MTERF4: variants seen among roughly 807,000 people sequenced by gnomAD.
MTERF4 encodes the protein mitochondrial transcription termination factor 4, also known as transcription termination factor 4, mitochondrial.
In MTERF4, 17 loss-of-function variants were observed where a neutral mutation model predicts 22.5. That is an observed-to-expected ratio of 0.75 (90% CI 0.52 to 1.13). MTERF4 has a LOEUF of 1.13. MTERF4 is among the 50% of genes most tolerant of loss of function. The pLI, the probability that MTERF4 is intolerant of heterozygous loss-of-function variation, is 0.00. For synonymous variants in MTERF4, 165 were observed against 175.3 expected (o/e 0.94, Z 0.47); for missense variants, 420 against 466.8 (o/e 0.90, Z 0.92).
chr2:241,048,027 T>G, the MTERF4 span, among the ~76,000 whole-genome samples: 3 of 152,028 alleles, frequency 2.0e-5, no homozygotes, highest in Admixed American at 6.5e-5. Context: ...CTCCGGTGCT[T>G]CTTGTTCTGT....
At chr2:241,048,252 G>A in the MTERF4 span, 2 of 1,504,242 alleles carry the variant, frequency 1.3e-6, no homozygotes, top group Admixed American at 2.3e-5. Flanking sequence ...TTGGAGCTGG[G>A]CGGGGAGACC....
At chr2:241,092,973 C>T (rs1017850473), downstream of MTERF4, 37 of 152,272 alleles carry the variant, frequency 2.4e-4, no homozygotes, top group African/African-American at 8.7e-4. The surrounding 1 kb of genome is among the most constrained non-coding windows in gnomAD (Gnocchi z 4.6). Context: ...ATTCCAGCCA[C>T]AAAGAGGGCC....
downstream of MTERF4, among the ~76,000 whole-genome samples, chr2:241,070,754 G>A (rs182484619): frequency 1.6e-4 from 24 of 152,318 alleles, no homozygotes; most frequent in Admixed American, 8.5e-4. Context: ...GGTCCCGAAC[G>A]CCCCACTTAG....
downstream of MTERF4, chr2:241,071,769 G>A: frequency 6.4e-7 from 1 of 1,570,744 alleles, no homozygotes; most frequent in Non-Finnish European, 8.6e-7. Context: ...CGCTCGGACT[G>A]TGGTGACCCT....
In MTERF4 at chr2:241,097,403, C is replaced by A; in HGVS notation, c.545G>T (p.Cys182Phe). Residue 182 changes from cysteine (C) to phenylalanine (F), a missense_variant, in exon 3 of 4, where the codon TGT (cysteine) becomes TTT (phenylalanine). Coordinates refer to ENST00000391980, the MANE Select transcript of MTERF4 (RefSeq NM_182501.4). Reference sequence around the variant, plus strand: ...GCGCATGGTGAAAATTTCAGGGCAACAGTAAAGCACCCTCTTTAATTTCCC... The same window carrying A: ...GCGCATGGTGAAAATTTCAGGGCAAAAGTAAAGCACCCTCTTTAATTTCCC... ...GEGKLKRVLY[C>F]CPEIFTMRQQ... The A allele has an allele frequency of 1.9e-6, 3 of 1,613,998 alleles. No homozygotes were observed. The highest frequency in any genetic ancestry group is 2.5e-6 in the Non-Finnish European group (3 of 1,179,930).
Position 241,075,740 on chromosome 2 carries a change from A to C in MTERF4, n.480-58T>G, listed in dbSNP as rs1383189410. On this transcript the variant is annotated intron_variant and non_coding_transcript_variant, in intron 4 of 4. Transcript: ENST00000464344. This position sits in a 1 kb window ranked among gnomAD's most constrained non-coding sequence, Gnocchi z 4.8. ...AAGCATTAGTGGTTAACAAGTTGGG[A>C]GCCTTCTTTAAAAAATATCCTTCCC... The C allele has an allele frequency of 6.6e-6, 1 of 151,978 alleles. No individual in the cohort carries two copies. The highest frequency in any genetic ancestry group is 1.5e-5 in the Non-Finnish European group (1 of 68,012). The allele number at this position is 151,978 out of a possible 1,614,324, so 9.4% of individuals were successfully genotyped here.
At chr2:241,072,437 T>C (rs2062778403) in exon 5 of MTERF4, 2 of 358,150 alleles carry the variant, frequency 5.6e-6, no homozygotes, top group Non-Finnish European at 1.1e-5. Flanking sequence ...TTGGCAGGAG[T>C]GAGGCAGGCG....
At chr2:241,102,046 T>A (rs2064734151) in intron 1 of MTERF4, 1 of 510,022 alleles carries the variant, frequency 2.0e-6, no homozygotes, top group Admixed American at 5.0e-5. Context: ...AGCGAGACTT[T>A]GTCTCAAAAA....
intron 4 of MTERF4, among the ~76,000 whole-genome samples, chr2:241,077,122 G>A (rs1397659184): frequency 1.3e-5 from 2 of 151,636 alleles, no homozygotes; most frequent in Non-Finnish European, 2.9e-5. Flanking sequence ...TAAACCACAC[G>A]TCAATGGCCA....
downstream of MTERF4, chr2:241,088,580 G>T (rs2063705148): frequency 8.2e-6 from 5 of 607,202 alleles, no homozygotes; most frequent in South Asian, 9.9e-5. Flanking sequence ...GTCCCCAAGG[G>T]GAAACAGACA....
chr2:241,088,480 A>C, downstream of MTERF4: 68 of 1,170,212 alleles, frequency 5.8e-5, no homozygotes, highest in Non-Finnish European at 8.0e-5. Context: ...CCGGGATCTC[A>C]GAGTGCCGCT....
At chr2:241,102,035 G>A (rs545906034) in intron 1 of MTERF4, 6 of 596,130 alleles carry the variant, frequency 1.0e-5, no homozygotes, top group South Asian at 2.1e-5. Context: ...CCTGGAGACA[G>A]AGCGAGACTT....
intron 4 of MTERF4, among the ~76,000 whole-genome samples, chr2:241,078,614 T>C (rs984193835): frequency 1.3e-5 from 2 of 151,658 alleles, no homozygotes; most frequent in African/African-American, 2.4e-5. Context: ...GAAAGTACAT[T>C]AGCGGTTGCT....
At chr2:241,080,515 T>C (rs1160087386) in intron 4 of MTERF4, among the ~76,000 whole-genome samples, 2 of 152,076 alleles carry the variant, frequency 1.3e-5, no homozygotes, top group Non-Finnish European at 2.9e-5. Context: ...AAATGGGTGA[T>C]TCCAAGACTG....
In MTERF4 at chr2:241,096,150, A is replaced by T. The variant is rs1345949575; in HGVS notation, c.994T>A (p.Ser332Thr). The change falls in exon 4 of 4, where the codon TCT becomes ACT. Residue 332 changes from serine (S) to threonine (T), a missense_variant. Ser to Thr is a moderately conservative substitution (Grantham distance 58). Transcript: ENST00000391980. The surrounding 1 kb of genome is among the most constrained non-coding windows in gnomAD (Gnocchi z 5.1). ...REEEESESST[S>T]DDKRASLDED... ...TCCAGACTTGCCCTTTTGTCATCAG[A>T]TGTGCTGCTCTCAGACTCCTCCTCC... 6.2e-7 allele frequency: 1 copy of T among 1,613,896 alleles called. No homozygotes were observed. The highest frequency in any genetic ancestry group is 1.1e-5 in the South Asian group (1 of 91,058).
chr2:241,052,208 G>C, the MTERF4 span: 2 of 1,544,668 alleles, frequency 1.3e-6, no homozygotes, highest in South Asian at 2.2e-5. Context: ...AACCCTCTCT[G>C]CAGATGTGAA....
intron 4 of MTERF4, among the ~76,000 whole-genome samples, chr2:241,079,739 A>G (rs982730222): frequency 7.2e-5 from 11 of 152,164 alleles, no homozygotes; most frequent in Admixed American, 6.5e-4. Context: ...ATAACCACAC[A>G]GGAAAAAAAT....
chr2:241,098,966 A>G (rs1279216409), intron 2 of MTERF4, among the ~76,000 whole-genome samples: 1 of 152,084 alleles, frequency 6.6e-6, no homozygotes, highest in East Asian at 1.9e-4. Flanking sequence ...CTCACCTCCA[A>G]GCCAAATTAT....
intron 2 of MTERF4, among the ~76,000 whole-genome samples, chr2:241,098,276 T>G (rs1228781962): frequency 6.6e-6 from 1 of 152,264 alleles, no homozygotes; most frequent in African/African-American, 2.4e-5. Flanking sequence ...ACTTTTAGAT[T>G]ACACTGTAAG....
Sources: allele counts gnomAD v4.1 joint callset (sites outside exome capture counted in the v4.1 genomes callset), GRCh38; gene constraint gnomAD v4.1.1; non-coding constraint Gnocchi (gnomAD v3.1); transcripts MANE v1.5; gene names NCBI Gene and HGNC (gene_info 2026-07-23, HGNC 2026-07-21).